The following CENPP variants were observed in gnomAD, a reference collection of about 807,000 sequenced individuals.
CENPP encodes the protein centromere protein P.
CENPP carries 24 observed loss-of-function variants against 35.6 expected under a neutral mutation model. The ratio of observed to expected loss-of-function variants is 0.67; its 90% confidence interval spans 0.49 to 0.95. The LOEUF is 0.95. CENPP is among the 40% of genes least tolerant of loss of function. The probability of loss-of-function intolerance (pLI) is 0.00; values close to 1 mark genes in which losing one functional copy is unlikely to be tolerated. For synonymous variants in CENPP, 120 were observed against 125.5 expected (o/e 0.96, Z 0.29); for missense variants, 332 against 345.3 (o/e 0.96, Z 0.31).
At chr9:92,442,119 C>T (rs919616573) in intron 5 of CENPP, among the ~76,000 whole-genome samples, 10 of 151,950 alleles carry the variant, frequency 6.6e-5, no homozygotes, top group South Asian at 4.2e-4. Flanking sequence ...AAAACAAGGC[C>T]GGGCACAGTG....
intron 5 of CENPP, among the ~76,000 whole-genome samples, chr9:92,595,347 TCCTCCCACCTCAG>T (rs1277674446): frequency 1.3e-5 from 2 of 152,104 alleles, no homozygotes; most frequent in African/African-American, 2.4e-5. Flanking sequence ...GATCAACTGA[TCCTCCCACCTCAG>T]CCTCCCATGT....
intron 5 of CENPP, among the ~76,000 whole-genome samples, chr9:92,393,700 A>G (rs561327858): frequency 3.9e-4 from 59 of 152,262 alleles, no homozygotes; most frequent in African/African-American, 1.3e-3. Flanking sequence ...ACCCCAAGTC[A>G]TTTATTACAT....
At chr9:92,364,505 T>G (rs1425560651) in intron 4 of CENPP, among the ~76,000 whole-genome samples, 2 of 152,170 alleles carry the variant, frequency 1.3e-5, no homozygotes, top group African/African-American at 2.4e-5. Flanking sequence ...GTCTGTTGTC[T>G]TATGGCTTAA....
chr9:92,327,943 A>G (rs1442380131), intron 1 of CENPP, among the ~76,000 whole-genome samples: 2 of 152,156 alleles, frequency 1.3e-5, no homozygotes, highest in Non-Finnish European at 2.9e-5. Flanking sequence ...TGCAACTCTT[A>G]CGATCTCTAT....
At chr9:92,514,914 C>T in intron 5 of CENPP, 1 of 1,613,800 alleles carries the variant, frequency 6.2e-7, no homozygotes, top group Non-Finnish European at 8.5e-7. Context: ...CCAGCCTCCT[C>T]TCCTCTCCAG....
At chr9:92,336,798 A>G (rs749323891) in intron 2 of CENPP, among the ~76,000 whole-genome samples, 5 of 152,218 alleles carry the variant, frequency 3.3e-5, no homozygotes. Context: ...ATACTTAAGA[A>G]TAGGGCATTT....
chr9:92,564,324 G>A (rs1849913824), intron 5 of CENPP, among the ~76,000 whole-genome samples: 1 of 152,046 alleles, frequency 6.6e-6, no homozygotes, highest in Admixed American at 6.6e-5. Context: ...GGGAGGCAGA[G>A]GCTGCAGTGA....
intron 5 of CENPP, among the ~76,000 whole-genome samples, chr9:92,553,867 A>T (rs550095585): frequency 1.3e-5 from 2 of 152,264 alleles, no homozygotes; most frequent in East Asian, 3.9e-4. Context: ...GCAAACAGTG[A>T]CAGTTTGACT....
intron 5 of CENPP, among the ~76,000 whole-genome samples, chr9:92,609,568 C>T (rs956093948): frequency 2.6e-5 from 4 of 152,206 alleles, no homozygotes; most frequent in African/African-American, 9.7e-5. Flanking sequence ...AAGCAGCACC[C>T]CCAGGCTTCT....
At chr9:92,463,312 T>C (rs1226266006) in intron 5 of CENPP, among the ~76,000 whole-genome samples, 1 of 152,220 alleles carries the variant, frequency 6.6e-6, no homozygotes, top group Non-Finnish European at 1.5e-5. Flanking sequence ...GATTATGCCA[T>C]GCAGGCAGTC....
chr9:92,352,320 A>G (rs1338092622), intron 4 of CENPP, among the ~76,000 whole-genome samples: 1 of 150,420 alleles, frequency 6.6e-6, no homozygotes, highest in Non-Finnish European at 1.5e-5. Flanking sequence ...CAGTGAACCA[A>G]GATTGTGCCA....
chr9:92,532,194 T>C (rs1848841880), intron 5 of CENPP, among the ~76,000 whole-genome samples: 1 of 151,656 alleles, frequency 6.6e-6, no homozygotes, highest in Non-Finnish European at 1.5e-5. Flanking sequence ...CTTTTTTCCA[T>C]TGTTTGTTTT....
At chr9:92,453,476 A>T (rs1052193401) in intron 5 of CENPP, among the ~76,000 whole-genome samples, 1 of 152,102 alleles carries the variant, frequency 6.6e-6, no homozygotes, top group African/African-American at 2.4e-5. Context: ...AGTTTGTTAT[A>T]ATTTCTGTTC....
intron 5 of CENPP, among the ~76,000 whole-genome samples, chr9:92,587,656 CAG>C (rs1850573224): frequency 6.6e-6 from 1 of 152,102 alleles, no homozygotes; most frequent in South Asian, 2.1e-4. Context: ...TCCATAGAAA[CAG>C]AGAAATTAGA....
At chr9:92,348,820 C>G (rs1199633446) in intron 4 of CENPP, among the ~76,000 whole-genome samples, 3 of 152,188 alleles carry the variant, frequency 2.0e-5, no homozygotes, top group Admixed American at 6.5e-5. Context: ...TCTGAGTAGA[C>G]AGGTTTAAAG....
chr9:92,570,672 C>G (rs1405682439), intron 5 of CENPP, among the ~76,000 whole-genome samples: 1 of 152,108 alleles, frequency 6.6e-6, no homozygotes, highest in Non-Finnish European at 1.5e-5. Context: ...CCTCTTTGTA[C>G]CTCTGGTAGA....
chr9:92,462,939 T>G (rs920201897), intron 5 of CENPP, among the ~76,000 whole-genome samples: 1 of 152,164 alleles, frequency 6.6e-6, no homozygotes, highest in South Asian at 2.1e-4. Flanking sequence ...AAGAGAATAA[T>G]CTCTGGGAGA....
At chr9:92,391,676 A>G (rs748579300) in intron 5 of CENPP, among the ~76,000 whole-genome samples, 11 of 152,188 alleles carry the variant, frequency 7.2e-5, no homozygotes, top group African/African-American at 9.6e-5. Context: ...TGTGAAAAAC[A>G]TGTCGTTAAA....
At chr9:92,479,361 C>T (rs1304168195) in intron 5 of CENPP, among the ~76,000 whole-genome samples, 1 of 152,196 alleles carries the variant, frequency 6.6e-6, no homozygotes, top group Non-Finnish European at 1.5e-5. Context: ...ATGGAGACTT[C>T]TGCCTGCAAG....
Sources: gnomAD v4.1 joint callset for allele counts (sites outside exome capture counted in the v4.1 genomes callset) on GRCh38, gnomAD v4.1.1 for gene constraint, MANE v1.5 for transcripts, NCBI Gene and HGNC (gene_info 2026-07-23, HGNC 2026-07-21) for gene names.